RAB21: variants seen among roughly 807,000 people sequenced by gnomAD.
RAB21 encodes the protein ras-related protein Rab-21.
Under a neutral mutation model 33.1 loss-of-function variants are expected in RAB21, and 13 were observed. That is an observed-to-expected ratio of 0.39 (90% CI 0.26 to 0.62). RAB21 has a LOEUF of 0.62. RAB21 is among the 20% of genes least tolerant of loss of function. The pLI is 0.48. For missense variants in RAB21, 234 were observed against 279.1 expected (o/e 0.84, Z 1.15); for synonymous variants, 91 against 103.7 (o/e 0.88, Z 0.74).
chr12:71,758,534 T>C (rs927375346), intron 1 of RAB21, among the ~76,000 whole-genome samples: 2 of 151,734 alleles, frequency 1.3e-5, no homozygotes, highest in Non-Finnish European at 2.9e-5. Context: ...AGAGTCTTGC[T>C]CTAGTGGTGA....
rs1462101648 is a variant in RAB21 at position 71,794,590 on chromosome 12, C to T, written c.*8917C>T. On this transcript the variant is annotated 3_prime_UTR_variant, in exon 7 of 7. Transcript: ENST00000261263. ...TAGCTGGGACTACAGGCGCCCGCCA[C>T]CACGCCTGGCTAATTTTTTGTATTT... The T allele has an allele frequency of 6.9e-6, 1 of 144,936 alleles. No homozygotes were observed. Among genetic ancestry groups the T allele is most frequent in the African/African-American group, 2.5e-5 (1 of 40,076 alleles). 9.0% of individuals were successfully genotyped at this position (144,936 alleles called of 1,614,324 possible).
At chr12:71,778,820 A>G (rs1374980220) in intron 4 of RAB21, among the ~76,000 whole-genome samples, 1 of 152,212 alleles carries the variant, frequency 6.6e-6, no homozygotes, top group East Asian at 1.9e-4. Flanking sequence ...AAACTAAGTT[A>G]GCTAGATGAA....
intron 1 of RAB21, among the ~76,000 whole-genome samples, chr12:71,757,301 G>C (rs1229098353): frequency 6.6e-6 from 1 of 151,938 alleles, no homozygotes; most frequent in Non-Finnish European, 1.5e-5. Context: ...GTAGAAACGG[G>C]GTTTCACCAT....
chr12:71,776,464 A>G (rs1248673758), intron 4 of RAB21, among the ~76,000 whole-genome samples: 2 of 152,120 alleles, frequency 1.3e-5, no homozygotes, highest in African/African-American at 2.4e-5. Context: ...TATATAGTGT[A>G]TATTTTTAAT....
Position 71,795,832 on chromosome 12 carries a change from A to AT in RAB21, c.*10165dup, listed in dbSNP as rs1013960433. 1 of 137,544 alleles carries AT rather than the reference A, an allele frequency of 7.3e-6. No individual in the cohort carries two copies. The highest frequency in any genetic ancestry group is 2.9e-5 in the African/African-American group (1 of 34,148). The allele number at this position is 137,544 out of a possible 1,614,324, so 8.5% of individuals were successfully genotyped here. On this transcript the variant is annotated 3_prime_UTR_variant, in exon 7 of 7. Coordinates refer to ENST00000261263, the MANE Select transcript of RAB21 (RefSeq NM_014999.4). ...CCAAAAATCCTTAGTCTGTGATGGA[A>AT]TTTTTTAAAGTATATGTGAAGTTTT...
chr12:71,771,931 G>A (rs1006195679), intron 3 of RAB21, among the ~76,000 whole-genome samples: 5 of 151,362 alleles, frequency 3.3e-5, no homozygotes, highest in Middle Eastern at 3.2e-3. Flanking sequence ...AGCCTAGATC[G>A]CGCCACTGGA....
In RAB21 at chr12:71,785,681, C is replaced by A; in HGVS notation, c.*8C>A. 2 of 1,613,914 alleles carry A rather than the reference C, an allele frequency of 1.2e-6. No homozygotes were observed. Among genetic ancestry groups the A allele is most frequent in the Non-Finnish European group, 1.7e-6 (2 of 1,179,938 alleles). ...TGCTGTTCTTCTGGATAACTGTTCA[C>A]GCCTAAGAAATTAAAAGACAGAACA... On this transcript the variant is annotated 3_prime_UTR_variant, in exon 7 of 7. Transcript: ENST00000261263.
chr12:71,755,359 G>A, intron 1 of RAB21, 71 bp downstream of exon 1: 3 of 1,404,542 alleles, frequency 2.1e-6, no homozygotes, highest in Non-Finnish European at 2.8e-6. Flanking sequence ...AAACTTTGCC[G>A]CCCTGGTCCC....
At chr12:71,782,371 A>T (rs768746982) in intron 5 of RAB21, 199 bp from the exon 6 acceptor site, 1 of 515,486 alleles carries the variant, frequency 1.9e-6, no homozygotes, top group Non-Finnish European at 3.4e-6. Flanking sequence ...AAATTAATCT[A>T]TAAAAATTTC....
chr12:71,776,161 C>A (rs1226333807), intron 4 of RAB21, among the ~76,000 whole-genome samples: 1 of 152,160 alleles, frequency 6.6e-6, no homozygotes, highest in Non-Finnish European at 1.5e-5. Flanking sequence ...GGATTCTGAT[C>A]ATCTTTCTGA....
Position 71,795,186 on chromosome 12 carries a change from GAAAT to G in RAB21, c.*9517_*9520del, listed in dbSNP as rs1227143794. ...AGGAATATGGATGGATTTCATTAGA[GAAAT>G]AAAAATGAGCAAGATTTGTGATTCA... On this transcript the variant is annotated 3_prime_UTR_variant, in exon 7 of 7. Transcript: ENST00000261263. The G allele has an allele frequency of 3.3e-5, 5 of 152,080 alleles. No homozygotes were observed. The East Asian group carries it at 9.6e-4, about 29-fold the overall frequency. The allele number at this position is 152,080 out of a possible 1,614,324, so 9.4% of individuals were successfully genotyped here.
At chr12:71,770,363 G>A (rs1250531354) in intron 2 of RAB21, among the ~76,000 whole-genome samples, 1 of 152,180 alleles carries the variant, frequency 6.6e-6, no homozygotes, top group African/African-American at 2.4e-5. Flanking sequence ...GGAGGAGGAA[G>A]GTTGGGAGGG....
intron 1 of RAB21, among the ~76,000 whole-genome samples, chr12:71,755,680 G>T (rs1256507174): frequency 6.6e-6 from 1 of 152,164 alleles, no homozygotes; most frequent in Non-Finnish European, 1.5e-5. Context: ...ATTTGATTTT[G>T]CGAATTAGGT....
chr12:71,774,725 C>T (rs1308340759), intron 4 of RAB21, among the ~76,000 whole-genome samples: 1 of 150,812 alleles, frequency 6.6e-6, no homozygotes, highest in Non-Finnish European at 1.5e-5. Flanking sequence ...CCATTGCACT[C>T]CAGCTTGGGC....
At chr12:71,776,784 T>TA (rs557010151) in intron 4 of RAB21, among the ~76,000 whole-genome samples, 7 of 151,072 alleles carry the variant, frequency 4.6e-5, no homozygotes, top group Non-Finnish European at 7.4e-5. Flanking sequence ...CTTAAAGGAT[T>TA]AAAAAAAAAG....
At chr12:71,774,045 A>G (rs1883081664) in intron 4 of RAB21, 23 bp downstream of exon 4, 1 of 1,323,882 alleles carries the variant, frequency 7.6e-7, no homozygotes, top group African/African-American at 1.6e-5. Context: ...ACTTTTTTCT[A>G]AAAAAAAAGT....
intron 1 of RAB21, among the ~76,000 whole-genome samples, chr12:71,757,040 A>C (rs1343915007): frequency 6.6e-6 from 1 of 152,236 alleles, no homozygotes. Flanking sequence ...CGGTATATTG[A>C]TAAATAACCC....
In RAB21 at chr12:71,773,342, T is replaced by G. The variant is rs1372742001; in HGVS notation, c.328-617T>G. On this transcript the variant is annotated intron_variant, in intron 3 of 6. Coordinates refer to ENST00000261263, the MANE Select transcript of RAB21 (RefSeq NM_014999.4). ...ACTGGCGGATGCTCTTGGCATCTAG[T>G]GGGTAGGAAGTCAGGGATGTTACTA... 2.0e-5 allele frequency among the ~76,000 whole-genome samples: 3 copies of G among 152,158 alleles called. No homozygotes were observed. The South Asian group carries it at 6.2e-4, about 31-fold the overall frequency.
chr12:71,783,030 G>A (rs1883224495), intron 6 of RAB21, among the ~76,000 whole-genome samples: 1 of 152,068 alleles, frequency 6.6e-6, no homozygotes, highest in African/African-American at 2.4e-5. Flanking sequence ...TAGTGAAAAA[G>A]AGTGTTTGTG....
Sources: gnomAD v4.1 joint callset for allele counts (sites outside exome capture counted in the v4.1 genomes callset) on GRCh38, gnomAD v4.1.1 for gene constraint, MANE v1.5 for transcripts, NCBI Gene and HGNC (gene_info 2026-07-23, HGNC 2026-07-21) for gene names.